ZNF410: variants seen among roughly 807,000 people sequenced by gnomAD.
ZNF410 encodes zinc finger protein 410.
ZNF410 carries 18 observed loss-of-function variants against 54.8 expected under a neutral mutation model. That is an observed-to-expected ratio of 0.33 (90% CI 0.23 to 0.49). ZNF410 has a LOEUF of 0.49. Among genes scored for constraint, ZNF410 ranks in the 20% least tolerant of loss-of-function variants. The pLI is 0.99. For missense variants in ZNF410, 405 were observed against 569.6 expected (o/e 0.71, Z 2.94); for synonymous variants, 191 against 207.3 (o/e 0.92, Z 0.68).
rs1264839174 is a variant in ZNF410, at chr14:73,920,713, A to G, written c.1004-267A>G. The G allele has an allele frequency of 1.0e-5, 4 of 392,300 alleles. No individual in the cohort carries two copies. The East Asian group carries it at 2.0e-4, about 20-fold the overall frequency. The allele number at this position is 392,300 out of a possible 1,614,324, so 24.3% of individuals were successfully genotyped here. ...TATTTTTTGTGGTTGCCATGGTCCT[A>G]TACCAAAGAGGTTTTGTGAAGGCAG... On this transcript the variant is annotated intron_variant, in intron 8 of 11. Transcript: ENST00000555044.
At chr14:73,899,201 T>A (rs1273455518) in intron 5 of ZNF410, among the ~76,000 whole-genome samples, 1 of 152,120 alleles carries the variant, frequency 6.6e-6, no homozygotes, top group Non-Finnish European at 1.5e-5. Flanking sequence ...AATAAAAAGT[T>A]AAAATTTCTC....
chr14:73,906,375 C>T (rs2055491164), intron 7 of ZNF410: 1 of 152,072 alleles, frequency 6.6e-6, no homozygotes. Context: ...GGCACTTGAT[C>T]TGTAACTGAC....
At chr14:73,895,730 C>T (rs1417893927) in intron 3 of ZNF410, among the ~76,000 whole-genome samples, 5 of 152,058 alleles carry the variant, frequency 3.3e-5, no homozygotes, top group East Asian at 1.9e-4. Flanking sequence ...TTTGGGAGGC[C>T]GAGGTGGGTG....
intron 11 of ZNF410, among the ~76,000 whole-genome samples, chr14:73,928,532 A>G (rs1291382881): frequency 6.6e-6 from 1 of 152,194 alleles, no homozygotes; most frequent in East Asian, 1.9e-4. Context: ...ATATCCAGTA[A>G]TAGTACATTT....
intron 8 of ZNF410, among the ~76,000 whole-genome samples, chr14:73,919,898 T>TG: frequency 6.8e-6 from 1 of 147,142 alleles, no homozygotes; most frequent in African/African-American, 2.5e-5. Flanking sequence ...TTTTTTTTTT[T>TG]TTTTTTTTTT....
chr14:73,891,834 C>T lies in ZNF410; in HGVS notation c.-149-193C>T, dbSNP rs2055234765. The stretch of plus-strand genomic sequence containing the variant: ...TAGATTATTAGAGGTTGAAATACTG[C>T]ATCAAAGCGTAGTATTTTTATGGGT... On this transcript the variant is annotated intron_variant, in intron 1 of 11. Coordinates refer to ENST00000555044, the MANE Select transcript of ZNF410 (RefSeq NM_021188.3). 3 of 580,524 alleles carry T rather than the reference C, an allele frequency of 5.2e-6. No individual in the cohort carries two copies. In the Admixed American group the frequency reaches 1.0e-4, roughly 20 times the overall value. The allele number at this position is 580,524 out of a possible 1,614,324, so 36.0% of individuals were successfully genotyped here.
intron 11 of ZNF410, 76 bp downstream of exon 11, chr14:73,923,598 A>C: frequency 6.6e-7 from 1 of 1,525,418 alleles, no homozygotes; most frequent in Non-Finnish European, 8.8e-7. Flanking sequence ...GACCTGAAAA[A>C]GTCTCCAGTT....
chr14:73,910,748 C>T (rs1468118731), intron 8 of ZNF410, among the ~76,000 whole-genome samples: 36 of 120,880 alleles, frequency 3.0e-4, no homozygotes, highest in Non-Finnish European at 5.2e-4. Context: ...AGCGAAACTC[C>T]GTCTCAAAAA....
At chr14:73,929,887 A>G (rs1692856294) in intron 11 of ZNF410, among the ~76,000 whole-genome samples, 1 of 152,076 alleles carries the variant, frequency 6.6e-6, no homozygotes, top group Non-Finnish European at 1.5e-5. Flanking sequence ...GTTCAGGTGG[A>G]CAATCTCTAT....
intron 10 of ZNF410, 183 bp downstream of exon 10, chr14:73,922,389 A>T: frequency 2.1e-6 from 1 of 473,604 alleles, no homozygotes; most frequent in Non-Finnish European, 3.4e-6. Context: ...ATTTTTTTTC[A>T]TTGAAGATAA....
At chr14:73,906,600 C>G (rs933476662) in intron 7 of ZNF410, among the ~76,000 whole-genome samples, 2 of 152,214 alleles carry the variant, frequency 1.3e-5, no homozygotes, top group Non-Finnish European at 2.9e-5. Context: ...CATGCCTCAG[C>G]TTCCCAGTAG....
intron 1 of ZNF410, among the ~76,000 whole-genome samples, chr14:73,890,313 C>T (rs2055209375): frequency 1.3e-5 from 2 of 152,032 alleles, no homozygotes; most frequent in South Asian, 2.1e-4. Flanking sequence ...CACAGCCTCC[C>T]GAGTAGCTGG....
At chr14:73,909,825 T>G (rs556130863) in intron 8 of ZNF410, among the ~76,000 whole-genome samples, 2 of 152,200 alleles carry the variant, frequency 1.3e-5, no homozygotes, top group African/African-American at 4.8e-5. Context: ...CCAGTAATAT[T>G]ACTGCCTTCT....
rs780352236 is a variant in ZNF410, at chr14:73,922,148, C to T, written c.1212C>T (p.Ser404=). The T allele has an allele frequency of 2.5e-6, 4 of 1,614,102 alleles. No individual in the cohort carries two copies. In the Admixed American group the frequency reaches 5.0e-5, roughly 20 times the overall value. The change falls in exon 10 of 12, where the codon AGC becomes AGT. Residue 404 remains serine (S), a synonymous_variant. Transcript: ENST00000555044. ...TGGTGTCTATGAATTCCCAGCCCAG[C>T]CTTGGTGGAGAGTCCTTGAACCTAC... ...KNLVSMNSQP[S]LGGESLNLPN... is the part of the protein sequence containing the mutation.
Position 73,931,942 on chromosome 14 carries a change from C to T in ZNF410, c.*401C>T, listed in dbSNP as rs967380095. The T allele has an allele frequency of 9.4e-5, 43 of 457,400 alleles. No individual in the cohort carries two copies. Among genetic ancestry groups the T allele is most frequent in the Non-Finnish European group, 1.9e-4 (43 of 227,492 alleles). The allele number at this position is 457,400 out of a possible 1,614,324, so 28.3% of individuals were successfully genotyped here. ...TGGATGAAATAATTCCTGCTACCAA[C>T]AACAGAGCTTCACCAGGAAGTTGAG... On this transcript the variant is annotated 3_prime_UTR_variant, in exon 12 of 12. Transcript: ENST00000555044.
intron 8 of ZNF410, among the ~76,000 whole-genome samples, chr14:73,912,198 A>C (rs1326770228): frequency 7.5e-6 from 1 of 133,562 alleles, no homozygotes; most frequent in East Asian, 2.2e-4. Context: ...TTGAGACAGT[A>C]TTACTCTGTT....
At chr14:73,905,222 TC>T (rs1350839857) in intron 7 of ZNF410, 139 bp downstream of exon 7, 1 of 825,504 alleles carries the variant, frequency 1.2e-6, no homozygotes, top group African/African-American at 1.7e-5. Flanking sequence ...GATTTCTTTT[TC>T]AAATGACTTG....
chr14:73,923,200 C>T (rs1476919188), intron 10 of ZNF410, among the ~76,000 whole-genome samples, 195 bp from the exon 11 acceptor site: 6 of 152,116 alleles, frequency 3.9e-5, no homozygotes, highest in African/African-American at 1.4e-4. Context: ...AGATTTCTTG[C>T]CTTTCTATTC....
chr14:73,903,466 G>C (rs2055437861), intron 5 of ZNF410, among the ~76,000 whole-genome samples: 2 of 152,040 alleles, frequency 1.3e-5, no homozygotes, highest in Non-Finnish European at 2.9e-5. Flanking sequence ...TGAGGATGTA[G>C]AACACTTGCA....
Sources: gnomAD v4.1 joint callset for allele counts (sites outside exome capture counted in the v4.1 genomes callset) on GRCh38, gnomAD v4.1.1 for gene constraint, MANE v1.5 for transcripts, NCBI Gene and HGNC (gene_info 2026-07-23, HGNC 2026-07-21) for gene names.